CSMD3: variants seen among roughly 807,000 people sequenced by gnomAD.
CSMD3 encodes CUB and sushi domain-containing protein 3.
Under a neutral mutation model 435.2 loss-of-function variants are expected in CSMD3, and 177 were observed. That is an observed-to-expected ratio of 0.41 (90% CI 0.36 to 0.46). CSMD3 has a LOEUF of 0.46. Among genes scored for constraint, CSMD3 ranks in the 20% least tolerant of loss-of-function variants. The pLI, the probability that CSMD3 is intolerant of heterozygous loss-of-function variation, is 0.34. For synonymous variants in CSMD3, 1,656 were observed against 1,520.5 expected, an observed-to-expected ratio of 1.09 and a Z score of -2.07; for missense variants, 4,265 against 4,504.6, an observed-to-expected ratio of 0.95 and a Z score of 1.52.
intron 1 of CSMD3, among the ~76,000 whole-genome samples, chr8:113,352,772 G>T (rs190687232): frequency 5.3e-5 from 8 of 152,216 alleles, no homozygotes; most frequent in African/African-American, 1.9e-4. Context: ...AGTAGTTGGT[G>T]GATCACAGGA....
At chr8:113,281,872 T>A (rs1482876452) in intron 2 of CSMD3, among the ~76,000 whole-genome samples, 2 of 152,002 alleles carry the variant, frequency 1.3e-5, no homozygotes, top group Non-Finnish European at 2.9e-5. Context: ...GGTGGCTTGA[T>A]AATGTCAAAT....
intron 1 of CSMD3, among the ~76,000 whole-genome samples, chr8:113,390,707 A>G (rs1191564464): frequency 6.6e-6 from 1 of 151,932 alleles, no homozygotes; most frequent in Admixed American, 6.6e-5. Context: ...TTAAAAAGGA[A>G]CTGACAATTC....
chr8:112,571,382 C>G (rs1461852410), intron 24 of CSMD3, among the ~76,000 whole-genome samples: 1 of 152,064 alleles, frequency 6.6e-6, no homozygotes. Context: ...AAAAATTCTA[C>G]AGTTCACACT....
chr8:113,399,002 A>AG (rs2094496457), intron 1 of CSMD3, among the ~76,000 whole-genome samples: 1 of 149,748 alleles, frequency 6.7e-6, no homozygotes, highest in South Asian at 2.1e-4. Context: ...TCTTTGTTGC[A>AG]GGAAAAAAAG....
intron 4 of CSMD3, among the ~76,000 whole-genome samples, chr8:113,100,512 T>G (rs1473922537): frequency 6.6e-6 from 1 of 152,112 alleles, no homozygotes; most frequent in Non-Finnish European, 1.5e-5. Context: ...GCCCACAATC[T>G]ATTTAAACCA....
rs571227131 is a variant in CSMD3, at chr8:113,246,522, G to A, written c.514+32070C>T. ...GATATAATTTCCTTTAGTTCTTTGA[G>A]CATATTTAAAACTTATTTAAAGTCT... is the stretch of plus-strand genomic sequence containing the variant. On this transcript the variant is annotated intron_variant, in intron 3 of 70. Transcript: ENST00000297405. 3.7e-3 allele frequency among the ~76,000 whole-genome samples: 561 copies of A among 151,958 alleles called. 1 individual carries two copies. The highest frequency in any genetic ancestry group is 5.9e-3 in the Non-Finnish European group (403 of 67,960).
chr8:113,252,598 GT>G (rs777057484), intron 3 of CSMD3, among the ~76,000 whole-genome samples: 1 of 151,876 alleles, frequency 6.6e-6, no homozygotes, highest in African/African-American at 2.4e-5. Flanking sequence ...ATTTTTCCAA[GT>G]TTTTTTGCCT....
chr8:113,329,710 G>A (rs1214786755), intron 1 of CSMD3, among the ~76,000 whole-genome samples: 3 of 151,938 alleles, frequency 2.0e-5, no homozygotes, highest in Non-Finnish European at 4.4e-5. Flanking sequence ...GACAAAGTGA[G>A]AATCTTGAAA....
chr8:113,063,658 T>C (rs1587995502), intron 5 of CSMD3, among the ~76,000 whole-genome samples: 1 of 152,066 alleles, frequency 6.6e-6, no homozygotes, highest in East Asian at 1.9e-4. Context: ...TACTGATCCA[T>C]GTTACTGCAT....
intron 24 of CSMD3, among the ~76,000 whole-genome samples, chr8:112,566,816 T>C (rs1335516177): frequency 6.6e-6 from 1 of 151,894 alleles, no homozygotes; most frequent in African/African-American, 2.4e-5. Flanking sequence ...AAGATTAGGG[T>C]GGGGCAGCCA....
intron 1 of CSMD3, among the ~76,000 whole-genome samples, chr8:113,435,516 A>G (rs185262755): frequency 6.6e-6 from 1 of 152,056 alleles, no homozygotes; most frequent in Non-Finnish European, 1.5e-5. Context: ...GCCCGATTGC[A>G]GTTCAGAGAG....
chr8:112,695,297 T>A (rs1348439044), intron 13 of CSMD3, among the ~76,000 whole-genome samples: 1 of 152,236 alleles, frequency 6.6e-6, no homozygotes, highest in Non-Finnish European at 1.5e-5. Flanking sequence ...TCACAAAAAC[T>A]ATGCAGTATT....
intron 1 of CSMD3, among the ~76,000 whole-genome samples, chr8:113,431,765 C>T (rs1273194255): frequency 1.2e-4 from 18 of 151,628 alleles, no homozygotes; most frequent in Admixed American, 1.2e-3. Flanking sequence ...CTGCACACCT[C>T]TCCTACTTTT....
intron 4 of CSMD3, among the ~76,000 whole-genome samples, chr8:113,100,513 A>G (rs553592168): frequency 6.6e-6 from 1 of 152,200 alleles, no homozygotes; most frequent in African/African-American, 2.4e-5. Context: ...CCCACAATCT[A>G]TTTAAACCAG....
chr8:113,035,123 GCT>G (rs2087286604), intron 5 of CSMD3, among the ~76,000 whole-genome samples: 1 of 151,822 alleles, frequency 6.6e-6, no homozygotes, highest in South Asian at 2.1e-4. Flanking sequence ...AATGACAAGA[GCT>G]CAAAGCAATG....
chr8:112,873,531 C>T (rs963205215), intron 10 of CSMD3, among the ~76,000 whole-genome samples: 2 of 151,970 alleles, frequency 1.3e-5, no homozygotes, highest in African/African-American at 4.8e-5. Flanking sequence ...TATCTGCTTA[C>T]CTCTGAGCTC....
Position 112,265,597 on chromosome 8 carries a change from G to T in CSMD3, c.9509-7C>A, listed in dbSNP as rs1816867383. ...GGGTCTCCACAACTGATTACTGTCA[G>T]TATTGGATTAGAAGAGCAGATGGTT... On this transcript the variant is annotated splice_polypyrimidine_tract_variant and splice_region_variant and intron_variant, in intron 59 of 70. Coordinates refer to ENST00000297405, the MANE Select transcript of CSMD3 (RefSeq NM_198123.2). 1 of 1,605,362 alleles carries T rather than the reference G, an allele frequency of 6.2e-7. No homozygotes were observed. Among genetic ancestry groups the T allele is most frequent in the Non-Finnish European group, 8.5e-7 (1 of 1,172,180 alleles).
intron 10 of CSMD3, among the ~76,000 whole-genome samples, chr8:112,868,812 G>C: frequency 6.6e-6 from 1 of 152,130 alleles, no homozygotes; most frequent in Non-Finnish European, 1.5e-5. Context: ...ATATCCACTT[G>C]CAAAATAATG....
At chr8:112,344,827 G>A (rs561446987) in intron 41 of CSMD3, among the ~76,000 whole-genome samples, 5 of 152,092 alleles carry the variant, frequency 3.3e-5, no homozygotes, top group Admixed American at 2.6e-4. Flanking sequence ...GTATTATAGT[G>A]ATTTGTATTT....
Sources: gnomAD v4.1 joint callset for allele counts (sites outside exome capture counted in the v4.1 genomes callset) on GRCh38, gnomAD v4.1.1 for gene constraint, MANE v1.5 for transcripts, NCBI Gene and HGNC (gene_info 2026-07-23, HGNC 2026-07-21) for gene names.